Variants in LYRM4 observed in about 807,000 individuals in gnomAD.
LYRM4 encodes the protein LYR motif-containing protein 4.
Under a neutral mutation model 11.7 loss-of-function variants are expected in LYRM4, and 9 were observed. The ratio of observed to expected loss-of-function variants is 0.77; its 90% confidence interval spans 0.46 to 1.34. The LOEUF is 1.34. LYRM4 is among the 40% of genes most tolerant of loss of function. LYRM4 has a pLI of 0.00. For synonymous variants in LYRM4, 42 were observed against 40.4 expected (o/e 1.04, Z -0.15); for missense variants, 133 against 112.5 (o/e 1.18, Z -0.82).
At chr6:5,110,458 C>T (rs953982801) in intron 2 of LYRM4, among the ~76,000 whole-genome samples, 1 of 152,200 alleles carries the variant, frequency 6.6e-6, no homozygotes, top group Non-Finnish European at 1.5e-5. Context: ...GCCGCGCCGT[C>T]CATCTGAGGT....
At chr6:5,070,426 A>C in the LYRM4 span, among the ~76,000 whole-genome samples, 46,437 of 152,084 alleles carry the variant, frequency 0.31, 7,491 homozygotes, top group African/African-American at 0.39. Context: ...AGATAGTGAA[A>C]GTATAAATGT....
intron 2 of LYRM4, among the ~76,000 whole-genome samples, chr6:5,202,558 G>T (rs1453158930): frequency 6.6e-6 from 1 of 152,166 alleles, no homozygotes; most frequent in Non-Finnish European, 1.5e-5. Context: ...AGGGCCTTCT[G>T]TTCAGATGTT....
intron 2 of LYRM4, among the ~76,000 whole-genome samples, chr6:5,202,890 T>A (rs1389388957): frequency 6.6e-6 from 1 of 152,192 alleles, no homozygotes; most frequent in Non-Finnish European, 1.5e-5. Context: ...AATTATAGCA[T>A]ATAATTCATT....
chr6:5,174,336 G>T (rs1759598239), intron 2 of LYRM4, among the ~76,000 whole-genome samples: 3 of 152,186 alleles, frequency 2.0e-5, no homozygotes, highest in Admixed American at 1.3e-4. Context: ...GGCATCAGCT[G>T]TGTTACTAAG....
downstream of LYRM4, chr6:5,106,562 A>G (rs1581276181): frequency 6.6e-6 from 1 of 152,360 alleles, no homozygotes; most frequent in Non-Finnish European, 1.5e-5. Flanking sequence ...GACGGAGTAT[A>G]CCTAAAGCAA....
intron 1 of LYRM4, among the ~76,000 whole-genome samples, chr6:5,259,197 C>T (rs1764826741): frequency 2.0e-5 from 3 of 152,204 alleles, no homozygotes; most frequent in Non-Finnish European, 4.4e-5. Context: ...CCTTGTGTAT[C>T]CTGAGTAAGC....
At chr6:5,257,850 T>C (rs1286684084) in intron 1 of LYRM4, among the ~76,000 whole-genome samples, 1 of 152,170 alleles carries the variant, frequency 6.6e-6, no homozygotes, top group African/African-American at 2.4e-5. Context: ...AGCTGTGATA[T>C]AGCACTGGGC....
chr6:5,247,555 T>C (rs948684657), intron 1 of LYRM4, among the ~76,000 whole-genome samples: 7 of 152,222 alleles, frequency 4.6e-5, no homozygotes, highest in Non-Finnish European at 2.9e-5. Context: ...GTTAACTGTA[T>C]AGGGAAAATA....
the LYRM4 span, among the ~76,000 whole-genome samples, chr6:5,083,176 C>T: frequency 6.6e-6 from 1 of 152,208 alleles, no homozygotes; most frequent in African/African-American, 2.4e-5. Context: ...CTTCTCTGTC[C>T]TGGAGTGAGC....
the LYRM4 span, chr6:5,086,339 A>G: frequency 6.5e-7 from 1 of 1,535,784 alleles, no homozygotes; most frequent in Non-Finnish European, 8.7e-7. Context: ...GGGGCCTCCG[A>G]GCCAGGGTCC....
rs1762757293 is a variant in LYRM4, at chr6:5,108,967, CA to C, written c.*455del. 1 of 997,622 alleles carries C rather than the reference CA, an allele frequency of 1.0e-6. No homozygotes were observed. Among genetic ancestry groups the C allele is most frequent in the South Asian group, 4.4e-5 (1 of 22,554 alleles). 61.8% of individuals were successfully genotyped at this position (997,622 alleles called of 1,614,324 possible). A position where few individuals can be genotyped will look rare whatever the true frequency, so the allele number is the denominator to read the frequency against. ...GCCTTCACCAAGGCAGTTCTCGTCT[CA>C]GAGTTGAACCCTCCCTGAGGGCCCC... On this transcript the variant is annotated 3_prime_UTR_variant, in exon 3 of 3. Coordinates refer to ENST00000330636, the MANE Select transcript of LYRM4 (RefSeq NM_020408.6).
At chr6:5,130,028 C>T (rs988270325) in intron 2 of LYRM4, among the ~76,000 whole-genome samples, 1 of 152,238 alleles carries the variant, frequency 6.6e-6, no homozygotes, top group Non-Finnish European at 1.5e-5. Flanking sequence ...GATTAGATTC[C>T]CAGCTCTGGC....
intron 2 of LYRM4, among the ~76,000 whole-genome samples, chr6:5,152,698 A>C (rs571288181): frequency 5.9e-5 from 9 of 152,338 alleles, no homozygotes; most frequent in African/African-American, 2.2e-4. Flanking sequence ...TAATCAGCTA[A>C]GCTAATGTGC....
chr6:5,127,688 T>C (rs1372087181), intron 2 of LYRM4, among the ~76,000 whole-genome samples: 1 of 152,236 alleles, frequency 6.6e-6, no homozygotes, highest in Non-Finnish European at 1.5e-5. Flanking sequence ...GTTAAAGAAA[T>C]TGTTATTAGA....
At chr6:5,230,428 T>G (rs999038978) in intron 1 of LYRM4, among the ~76,000 whole-genome samples, 1 of 152,078 alleles carries the variant, frequency 6.6e-6, no homozygotes, top group South Asian at 2.1e-4. Flanking sequence ...GCTTCTTTTT[T>G]CCCCCCACCT....
chr6:5,217,139 C>A (rs892772667), intron 1 of LYRM4, among the ~76,000 whole-genome samples: 5 of 152,152 alleles, frequency 3.3e-5, no homozygotes, highest in African/African-American at 1.2e-4. Context: ...GGCGACAATG[C>A]GAGACCCTGT....
chr6:5,048,729 A>G, the LYRM4 span, among the ~76,000 whole-genome samples: 1 of 152,306 alleles, frequency 6.6e-6, no homozygotes, highest in Admixed American at 6.5e-5. Flanking sequence ...GTGTACAATG[A>G]TTCATGGAGG....
rs745661284 is a variant in LYRM4 at position 5,109,327 on chromosome 6, G to A, written c.*96C>T. On this transcript the variant is annotated 3_prime_UTR_variant, in exon 3 of 3. Coordinates refer to ENST00000330636, the MANE Select transcript of LYRM4 (RefSeq NM_020408.6). ...CTCCCACAGGACAGGCAGCGCAAAA[G>A]GCTATTGTAAGCTGGTTTTGGGAGC... 1.8e-4 allele frequency: 282 copies of A among 1,592,346 alleles called. No individual in the cohort carries two copies. Among genetic ancestry groups the A allele is most frequent in the Non-Finnish European group, 2.2e-4 (255 of 1,164,612 alleles).
chr6:5,245,113 A>AATATATATAT (rs1158676783), intron 1 of LYRM4, among the ~76,000 whole-genome samples: 14 of 24,130 alleles, frequency 5.8e-4, no homozygotes, highest in Admixed American at 7.9e-4. Context: ...AAAAAAAAAA[A>AATATATATAT]ATATATATAT....
Sources: allele counts gnomAD v4.1 joint callset (sites outside exome capture counted in the v4.1 genomes callset), GRCh38; gene constraint gnomAD v4.1.1; transcripts MANE v1.5; gene names NCBI Gene and HGNC (gene_info 2026-07-23, HGNC 2026-07-21).